DMD: variants seen among roughly 807,000 people sequenced by gnomAD.
DMD encodes the protein dystrophin.
A neutral mutation model predicts 330.1 loss-of-function variants in DMD; 63 were observed. The observed-to-expected ratio is 0.19, with a 90% CI of 0.16 to 0.24. DMD has a LOEUF of 0.24. DMD is among the 10% of genes least tolerant of loss of function. DMD has a pLI of 1.00. For missense variants in DMD, 3,344 were observed against 2,684.1 expected, an observed-to-expected ratio of 1.25 and a Z score of -5.43; for synonymous variants, 1,223 against 959.8, an observed-to-expected ratio of 1.27 and a Z score of -5.07.
chrX:33,238,537 T>C lies in DMD; in HGVS notation c.7+100722A>G, dbSNP rs141925346. Among the ~76,000 whole-genome samples the C allele has an allele frequency of 4.5e-5, 5 of 111,581 alleles. No homozygotes were observed. In the East Asian group the frequency reaches 1.1e-3, roughly 25 times the overall value. On this transcript the variant is annotated intron_variant, in intron 1 of 17. Transcript: ENST00000288447. Reference sequence around the variant, plus strand: ...GTGTGTGTGTTAATGTGTGTGTCTGTGTGTAGATGTGTAGAAGGAATCTAG... The same window carrying C: ...GTGTGTGTGTTAATGTGTGTGTCTGCGTGTAGATGTGTAGAAGGAATCTAG...
chrX:32,281,071 G>C (rs1307062915), intron 43 of DMD, among the ~76,000 whole-genome samples: 1 of 112,135 alleles, frequency 8.9e-6, no homozygotes, highest in Non-Finnish European at 1.9e-5. Flanking sequence ...ATGGCAGCCA[G>C]AGCCTGTGAG....
intron 44 of DMD, among the ~76,000 whole-genome samples, chrX:32,008,163 T>C (rs1292249366): frequency 9.0e-6 from 1 of 110,896 alleles, no homozygotes. Flanking sequence ...CCCTGAGAAG[T>C]AAATGAGTAT....
At chrX:31,951,135 ATATATG>A (rs1217410476) in intron 45 of DMD, among the ~76,000 whole-genome samples, 1 of 78,922 alleles carries the variant, frequency 1.3e-5, no homozygotes, top group African/African-American at 5.6e-5. Flanking sequence ...ATATATATAT[ATATATG>A]TGTATATATA....
At chrX:31,777,316 ATAC>A (rs1263483332) in intron 50 of DMD, among the ~76,000 whole-genome samples, 1 of 111,491 alleles carries the variant, frequency 9.0e-6, no homozygotes, top group African/African-American at 3.3e-5. Flanking sequence ...AAGAGAGAAA[ATAC>A]AGCCAGTCAA....
At chrX:31,961,762 T>C (rs1263245333) in intron 45 of DMD, among the ~76,000 whole-genome samples, 1 of 88,267 alleles carries the variant, frequency 1.1e-5, no homozygotes, top group Admixed American at 1.2e-4. Context: ...TTTTGTCTTG[T>C]TTTTTGTTCT....
In DMD at chrX:31,311,150, G is replaced by A. The variant is rs146208671; in HGVS notation, c.9224+12448C>T. Among the ~76,000 whole-genome samples the A allele has an allele frequency of 5.8e-3, 641 of 110,686 alleles. 6 individuals carry two copies. The highest frequency in any genetic ancestry group is 0.018 in the African/African-American group (558 of 30,460). On this transcript the variant is annotated intron_variant, in intron 62 of 78. Coordinates refer to ENST00000357033, the MANE Select transcript of DMD (RefSeq NM_004006.3). ...AGTATTCCCCCAGCTCAAGGCTTGG[G>A]AGAAATTGTGACTTATAGCCACAGA...
At chrX:32,793,617 A>G (rs2075979049) in intron 7 of DMD, among the ~76,000 whole-genome samples, 1 of 111,822 alleles carries the variant, frequency 8.9e-6, no homozygotes, top group Admixed American at 9.5e-5. Context: ...AAAAGTTCAG[A>G]GACTATACTG....
intron 62 of DMD, among the ~76,000 whole-genome samples, chrX:31,285,911 G>A (rs1387301155): frequency 8.9e-6 from 1 of 111,810 alleles, no homozygotes; most frequent in African/African-American, 3.2e-5. Flanking sequence ...AAAGCCTCTG[G>A]GTGATAATGA....
intron 1 of DMD, among the ~76,000 whole-genome samples, chrX:33,291,974 C>T (rs1371842477): frequency 1.8e-5 from 2 of 111,432 alleles, no homozygotes; most frequent in Admixed American, 9.6e-5. Flanking sequence ...ACACATTGTC[C>T]ACATTATCTC....
rs768758565 is a variant in DMD at position 32,176,435 on chromosome X, C to T, written c.6438+40481G>A. 1.3e-4 allele frequency among the ~76,000 whole-genome samples: 15 copies of T among 111,689 alleles called. No individual in the cohort carries two copies. The South Asian group carries it at 5.2e-3, about 39-fold the overall frequency. On this transcript the variant is annotated intron_variant, in intron 44 of 78. Coordinates refer to ENST00000357033, the MANE Select transcript of DMD (RefSeq NM_004006.3). ...GTCCAGATGTGGTGTTAAGCATGAACCTAAATCTTCTACCTTCAAGGTGCT... is the reference window on the plus strand; with the variant it reads ...GTCCAGATGTGGTGTTAAGCATGAATCTAAATCTTCTACCTTCAAGGTGCT...
chrX:33,181,894 A>G (rs762254022), intron 1 of DMD, among the ~76,000 whole-genome samples: 21 of 112,181 alleles, frequency 1.9e-4, no homozygotes, highest in Non-Finnish European at 3.6e-4. Context: ...TGCTTTCCAC[A>G]CTTTCTCACA....
At chrX:31,979,472 G>T (rs2095460997) in intron 44 of DMD, among the ~76,000 whole-genome samples, 1 of 112,025 alleles carries the variant, frequency 8.9e-6, no homozygotes, top group Admixed American at 9.5e-5. Flanking sequence ...TTACTAAATG[G>T]CTAAATGAGT....
chrX:32,711,686 A>T (rs1263875314), intron 7 of DMD, among the ~76,000 whole-genome samples: 1 of 112,019 alleles, frequency 8.9e-6, no homozygotes, highest in Non-Finnish European at 1.9e-5. Context: ...AAAGTACCCC[A>T]TATCTCTACA....
At chrX:32,518,946 A>T (rs2046139128) in intron 17 of DMD, among the ~76,000 whole-genome samples, 1 of 99,284 alleles carries the variant, frequency 1.0e-5, no homozygotes, top group African/African-American at 3.6e-5. Flanking sequence ...TTTTGGTGTG[A>T]GTTGTTATGC....
chrX:32,469,693 G>C (rs1273306520), intron 22 of DMD, among the ~76,000 whole-genome samples: 1 of 111,185 alleles, frequency 9.0e-6, no homozygotes, highest in African/African-American at 3.3e-5. Flanking sequence ...GTTTTAGTGT[G>C]AGCATTTGCC....
chrX:32,398,863 G>A (rs886904964), intron 30 of DMD, among the ~76,000 whole-genome samples: 1 of 111,289 alleles, frequency 9.0e-6, no homozygotes, highest in Admixed American at 9.6e-5. Flanking sequence ...TATAGTAACC[G>A]AAACAGCATG....
intron 62 of DMD, among the ~76,000 whole-genome samples, chrX:31,308,624 C>T (rs2055230319): frequency 9.0e-6 from 1 of 111,343 alleles, no homozygotes; most frequent in Non-Finnish European, 1.9e-5. Context: ...ATTGCTCAGC[C>T]TGGTCTCAAA....
intron 7 of DMD, among the ~76,000 whole-genome samples, chrX:32,771,674 C>A (rs2073622304): frequency 9.0e-6 from 1 of 111,164 alleles, no homozygotes; most frequent in Non-Finnish European, 1.9e-5. Context: ...AATAGTATTC[C>A]CTGTGATGAC....
In DMD at chrX:32,292,044, G is replaced by A. The variant is rs143769221; in HGVS notation, c.6118-4343C>T. On this transcript the variant is annotated intron_variant, in intron 42 of 78. Coordinates refer to ENST00000357033, the MANE Select transcript of DMD (RefSeq NM_004006.3). ...AATAGACCTAGATCATTGGTTTATA[G>A]CCCAGAGCAAAGTCTCTGTCTTCCT... Among the ~76,000 whole-genome samples the A allele has an allele frequency of 3.1e-3, 338 of 110,467 alleles. 1 individual carries two copies. The highest frequency in any genetic ancestry group is 0.01 in the African/African-American group (315 of 30,365).
Sources: gnomAD v4.1 joint callset for allele counts (sites outside exome capture counted in the v4.1 genomes callset) on GRCh38, gnomAD v4.1.1 for gene constraint, MANE v1.5 for transcripts, NCBI Gene and HGNC (gene_info 2026-07-23, HGNC 2026-07-21) for gene names.